Variants in NEMP2 observed in about 807,000 individuals in gnomAD.
The protein encoded by NEMP2 is UPF0571 transmembrane protein.
In NEMP2, 53 loss-of-function variants were observed where a neutral mutation model predicts 54.2. That is an observed-to-expected ratio of 0.98 (90% CI 0.78 to 1.23). The LOEUF (loss-of-function observed/expected upper bound fraction) is 1.23, where lower values mean the gene tolerates loss of function less well. NEMP2 is among the 50% of genes most tolerant of loss of function. The pLI, the probability that NEMP2 is intolerant of heterozygous loss-of-function variation, is 0.00. For synonymous variants in NEMP2, 197 were observed against 190.3 expected, an observed-to-expected ratio of 1.04 and a Z score of -0.29; for missense variants, 455 against 511.3, an observed-to-expected ratio of 0.89 and a Z score of 1.06.
At chr2:190,428,827 C>T in the NEMP2 span, among the ~76,000 whole-genome samples, 2 of 152,080 alleles carry the variant, frequency 1.3e-5, no homozygotes, top group African/African-American at 4.8e-5. Flanking sequence ...CATCTGCCAC[C>T]ATGCCTGGCT....
the NEMP2 span, among the ~76,000 whole-genome samples, chr2:190,496,480 G>C: frequency 1.3e-5 from 2 of 152,210 alleles, no homozygotes; most frequent in Middle Eastern, 6.8e-3. This position sits in a 1 kb window ranked among gnomAD's most constrained non-coding sequence, Gnocchi z 4.7. Flanking sequence ...CCACTACTGG[G>C]TATCTACCCA....
At chr2:190,433,640 A>G in the NEMP2 span, among the ~76,000 whole-genome samples, 1 of 152,178 alleles carries the variant, frequency 6.6e-6, no homozygotes, top group South Asian at 2.1e-4. The surrounding 1 kb of genome is among the most constrained non-coding windows in gnomAD (Gnocchi z 4.5). Flanking sequence ...TTTTTAACCT[A>G]AAAAACCGAC....
the NEMP2 span, among the ~76,000 whole-genome samples, chr2:190,600,888 C>G: frequency 2.0e-5 from 3 of 152,276 alleles, no homozygotes; most frequent in Admixed American, 2.0e-4. The surrounding 1 kb of genome is among the most constrained non-coding windows in gnomAD (Gnocchi z 4.9). Context: ...GTGGTCAGGT[C>G]TTAGTGGTGT....
rs922481821 is a variant in NEMP2 at position 190,533,036 on chromosome 2, A to C, written c.97+1523T>G. ...TAACAAAGCAGAGAAGCAGGCTGTT[A>C]CTATTATACTAAATGCGGTAACATA... On this transcript the variant is annotated intron_variant, in intron 1 of 8. Coordinates refer to ENST00000409150, the MANE Select transcript of NEMP2 (RefSeq NM_001142645.2). The surrounding 1 kb of genome is among the most constrained non-coding windows in gnomAD (Gnocchi z 4.3). 2.0e-5 allele frequency among the ~76,000 whole-genome samples: 3 copies of C among 152,256 alleles called. No individual in the cohort carries two copies. Among genetic ancestry groups the C allele is most frequent in the African/African-American group, 7.2e-5 (3 of 41,466 alleles).
the NEMP2 span, among the ~76,000 whole-genome samples, chr2:190,640,760 G>A: frequency 2.7e-4 from 38 of 138,312 alleles, 2 homozygotes; most frequent in East Asian, 5.4e-3. Flanking sequence ...GTGACAATTC[G>A]CCAACTCATC....
downstream of NEMP2, chr2:190,500,968 C>T (rs1412283061): frequency 6.6e-6 from 1 of 152,148 alleles, no homozygotes; most frequent in African/African-American, 2.4e-5. The surrounding 1 kb of genome is among the most constrained non-coding windows in gnomAD (Gnocchi z 5.3). Context: ...GCGATTATTT[C>T]AAATCAACCA....
At chr2:190,453,954 A>G in the NEMP2 span, 1 of 152,338 alleles carries the variant, frequency 6.6e-6, no homozygotes, top group South Asian at 2.1e-4. Context: ...GCTACTGGTA[A>G]CTGGAATATA....
the NEMP2 span, chr2:190,435,298 T>G: frequency 1.3e-5 from 2 of 152,264 alleles, no homozygotes; most frequent in Admixed American, 6.5e-5. Context: ...GTAAAGATCT[T>G]TTAATCTTAT....
upstream of NEMP2, among the ~76,000 whole-genome samples, chr2:190,539,099 T>G (rs1417962585): frequency 6.6e-6 from 1 of 152,220 alleles, no homozygotes; most frequent in Non-Finnish European, 1.5e-5. The surrounding 1 kb of genome is among the most constrained non-coding windows in gnomAD (Gnocchi z 4.1). Context: ...GATTTAAGCC[T>G]TTAATTCATC....
the NEMP2 span, among the ~76,000 whole-genome samples, chr2:190,612,962 TTAATA>T: frequency 2.6e-5 from 4 of 152,194 alleles, no homozygotes; most frequent in Admixed American, 6.5e-5. Context: ...GTTGTTTAAT[TTAATA>T]TAACTTTGGA....
chr2:190,621,813 T>C, the NEMP2 span, among the ~76,000 whole-genome samples: 23 of 152,158 alleles, frequency 1.5e-4, no homozygotes, highest in Admixed American at 1.4e-3. Flanking sequence ...TTCTTTTTAA[T>C]AAATACTTCT....
the NEMP2 span, among the ~76,000 whole-genome samples, chr2:190,644,908 A>C: frequency 6.5e-3 from 987 of 152,268 alleles, 8 homozygotes; most frequent in South Asian, 0.034. This position sits in a 1 kb window ranked among gnomAD's most constrained non-coding sequence, Gnocchi z 4.4. Flanking sequence ...AGTTAAAAAA[A>C]ACACACACAC....
At chr2:190,618,952 G>GT in the NEMP2 span, among the ~76,000 whole-genome samples, 5 of 152,136 alleles carry the variant, frequency 3.3e-5, no homozygotes, top group Non-Finnish European at 5.9e-5. Flanking sequence ...TTTTAAAATT[G>GT]TTTTTTTAAA....
chr2:190,467,455 A>C, the NEMP2 span, among the ~76,000 whole-genome samples: 26 of 152,222 alleles, frequency 1.7e-4, no homozygotes, highest in African/African-American at 6.3e-4. This position sits in a 1 kb window ranked among gnomAD's most constrained non-coding sequence, Gnocchi z 5.5. Context: ...TCTACTAAAA[A>C]TACAAAAATT....
At chr2:190,600,342 A>G in the NEMP2 span, among the ~76,000 whole-genome samples, 1 of 152,204 alleles carries the variant, frequency 6.6e-6, no homozygotes, top group African/African-American at 2.4e-5. This position sits in a 1 kb window ranked among gnomAD's most constrained non-coding sequence, Gnocchi z 4.9. Flanking sequence ...TATCAGTGTT[A>G]GTCTTAGAAT....
At chr2:190,540,329 A>T in the NEMP2 span, among the ~76,000 whole-genome samples, 2 of 151,062 alleles carry the variant, frequency 1.3e-5, no homozygotes, top group East Asian at 3.9e-4. Flanking sequence ...TATCACCCAT[A>T]CTGGAGTACA....
intron 4 of NEMP2, among the ~76,000 whole-genome samples, chr2:190,518,186 TTC>T (rs1274635878): frequency 6.6e-6 from 1 of 152,196 alleles, no homozygotes; most frequent in African/African-American, 2.4e-5. Context: ...AAAAAAAGAT[TTC>T]TTTCTCATGA....
chr2:190,554,817 G>A, the NEMP2 span, among the ~76,000 whole-genome samples: 1 of 152,248 alleles, frequency 6.6e-6, no homozygotes, highest in East Asian at 1.9e-4. The surrounding 1 kb of genome is among the most constrained non-coding windows in gnomAD (Gnocchi z 5.7). Flanking sequence ...ATAAGGGACA[G>A]TGTGCCTCCT....
chr2:190,611,686 T>C, the NEMP2 span, among the ~76,000 whole-genome samples: 1 of 152,252 alleles, frequency 6.6e-6, no homozygotes, highest in African/African-American at 2.4e-5. The surrounding 1 kb of genome is among the most constrained non-coding windows in gnomAD (Gnocchi z 5.4). Context: ...AACCTTTTAA[T>C]CTAGGCAAAA....
Sources: allele counts gnomAD v4.1 joint callset (sites outside exome capture counted in the v4.1 genomes callset), GRCh38; gene constraint gnomAD v4.1.1; non-coding constraint Gnocchi (gnomAD v3.1); transcripts MANE v1.5; gene names NCBI Gene and HGNC (gene_info 2026-07-23, HGNC 2026-07-21).